The following TLE1 variants were observed in gnomAD, a reference collection of about 807,000 sequenced individuals.
The protein encoded by TLE1 is TLE family member 1, transcriptional corepressor.
A neutral mutation model predicts 89.8 loss-of-function variants in TLE1; 21 were observed. That is an observed-to-expected ratio of 0.23 (90% confidence interval 0.17 to 0.34). The LOEUF (loss-of-function observed/expected upper bound fraction) is 0.34, where lower values mean the gene tolerates loss of function less well. Among genes scored for constraint, TLE1 ranks in the 10% least tolerant of loss-of-function variants. TLE1 has a pLI of 1.00. For missense variants in TLE1, 795 were observed against 1,031.2 expected (o/e 0.77, Z 3.14); for synonymous variants, 447 against 407.6 (o/e 1.10, Z -1.16).
intron 10 of TLE1, 95 bp downstream of exon 10, chr9:81,616,551 C>CCGAGGGGCTCTACTTCCTTCATT: frequency 1.5e-6 from 2 of 1,366,270 alleles, no homozygotes; most frequent in Non-Finnish European, 2.1e-6. Context: ...GGTCCCCCCA[C>CCGAGGGGCTCTACTTCCTTCATT]CGAGGGGCTC....
At chr9:81,677,564 CA>C (rs60091510) in intron 4 of TLE1, among the ~76,000 whole-genome samples, 1,459 of 85,572 alleles carry the variant, frequency 0.017, 25 homozygotes, top group African/African-American at 0.067. Flanking sequence ...GACTCCATCT[CA>C]AAAAAAAAAA....
intron 14 of TLE1, among the ~76,000 whole-genome samples, chr9:81,594,562 G>C (rs991765809): frequency 4.0e-5 from 6 of 151,832 alleles, no homozygotes; most frequent in Non-Finnish European, 7.4e-5. Flanking sequence ...AAAAAATTAT[G>C]CACATTCTAC....
chr9:81,584,092 GGT>G lies in TLE1; in HGVS notation c.*104_*105del. The G allele has an allele frequency of 1.0e-6, 1 of 973,484 alleles. No individual in the cohort carries two copies. Among genetic ancestry groups the G allele is most frequent in the Non-Finnish European group, 1.6e-6 (1 of 633,666 alleles). 60.3% of individuals were successfully genotyped at this position (973,484 alleles called of 1,614,324 possible). A position where few individuals can be genotyped will look rare whatever the true frequency, so the allele number is the denominator to read the frequency against. ...AGTTTTCTGTCAAGGTTTGGAAACAGGTGTTTGTAATTTTTTTTCTCTTTTAA... is the reference window on the plus strand; with the variant it reads ...AGTTTTCTGTCAAGGTTTGGAAACAGGTTTGTAATTTTTTTTCTCTTTTAA... On this transcript the variant is annotated 3_prime_UTR_variant, in exon 20 of 20. Transcript: ENST00000376499.
intron 4 of TLE1, among the ~76,000 whole-genome samples, chr9:81,666,250 A>C (rs1158538875): frequency 2.0e-5 from 3 of 152,112 alleles, no homozygotes; most frequent in African/African-American, 4.8e-5. Context: ...AGAGTGAATC[A>C]CAGATCATCA....
rs754269453 is a variant in TLE1, at chr9:81,688,277, C to T, written c.-37G>A. On this transcript the variant is annotated 5_prime_UTR_variant, in exon 1 of 20. Coordinates refer to ENST00000376499, the MANE Select transcript of TLE1 (RefSeq NM_005077.5). The stretch of plus-strand genomic sequence containing the variant: ...CGGCCGGGGCTCTGTTCCCCGGCAA[C>T]TCAATTCTCCGGTCAATTTCCAACT... 9 of 1,541,032 alleles carry T rather than the reference C, an allele frequency of 5.8e-6. No homozygotes were observed. In the African/African-American group the frequency reaches 1.0e-4, roughly 17 times the overall value.
rs199536347 is a variant in TLE1, at chr9:81,591,015, G to A, written c.1619C>T (p.Pro540Leu). 2 of 1,614,190 alleles carry A rather than the reference G, an allele frequency of 1.2e-6. No homozygotes were observed. The highest frequency in any genetic ancestry group is 2.7e-5 in the African/African-American group (2 of 75,038). ...DNYIRSCKLL[P>L]DGCTLIVGGE... ...TCCCACTATGAGAGTGCAGCCATCG[G>A]GTAGCAATTTACAGGAACGGATATA... The change falls in exon 16 of 20, where the codon CCC (proline) becomes CTC (leucine). Residue 540 changes from proline (P) to leucine (L), a missense_variant. By Grantham distance (98) the Pro-to-Leu change is moderately conservative. Around this residue, in one of 4 missense-constraint regions of TLE1, gnomAD observed 214 missense variants for 354.9 expected, o/e 0.60. Transcript: ENST00000376499.
At chr9:81,632,097 A>T (rs1405189452) in intron 8 of TLE1, among the ~76,000 whole-genome samples, 1 of 150,560 alleles carries the variant, frequency 6.6e-6, no homozygotes, top group African/African-American at 2.4e-5. Context: ...TCTCAAAAAA[A>T]AAAAGACTAT....
intron 8 of TLE1, among the ~76,000 whole-genome samples, chr9:81,626,349 C>T (rs145936635): frequency 6.0e-5 from 9 of 150,134 alleles, no homozygotes; most frequent in African/African-American, 2.2e-4. Flanking sequence ...AACGACGCAC[C>T]CCATCACATC....
Position 81,620,570 on chromosome 9 carries a change from A to C in TLE1, c.595-13T>G. On this transcript the variant is annotated splice_polypyrimidine_tract_variant and intron_variant, in intron 8 of 19. Transcript: ENST00000376499. ...GGAGGGAATTACTCTGCAAGACAAAAAAATTAATCAAAGATTTCTTCCCAA... is the reference window on the plus strand; with the variant it reads ...GGAGGGAATTACTCTGCAAGACAAACAAATTAATCAAAGATTTCTTCCCAA... 1 of 1,599,808 alleles carries C rather than the reference A, an allele frequency of 6.3e-7. No individual in the cohort carries two copies.
chr9:81,633,710 T>C (rs1008875131), intron 7 of TLE1: 3 of 481,078 alleles, frequency 6.2e-6, no homozygotes, highest in African/African-American at 5.8e-5. Flanking sequence ...CAGATGCAAT[T>C]ATCAAACCTT....
In TLE1 at chr9:81,644,391, G is replaced by C. The variant is rs565603363; in HGVS notation, c.372+7823C>G. Among the ~76,000 whole-genome samples, 5 of 152,204 alleles carry C rather than the reference G, an allele frequency of 3.3e-5. No individual in the cohort carries two copies. In the South Asian group the frequency reaches 1.0e-3, roughly 32 times the overall value. On this transcript the variant is annotated intron_variant, in intron 6 of 19. Coordinates refer to ENST00000376499, the MANE Select transcript of TLE1 (RefSeq NM_005077.5). ...ATGAAATGTTAATTGTCAATAAAAA[G>C]GACTAAAATACTGGTGATACGACAA...
At chr9:81,652,805 T>TTTTA (rs1393833510) in intron 5 of TLE1, among the ~76,000 whole-genome samples, 2 of 152,170 alleles carry the variant, frequency 1.3e-5, no homozygotes, top group African/African-American at 4.8e-5. Context: ...AAAATACCCA[T>TTTTA]TTTAATACCT....
At chr9:81,598,276 C>T (rs189284967) in intron 14 of TLE1, among the ~76,000 whole-genome samples, 126 of 152,290 alleles carry the variant, frequency 8.3e-4, no homozygotes, top group Non-Finnish European at 1.4e-3. Flanking sequence ...TAAAATATCA[C>T]ATGCTGTCAC....
intron 8 of TLE1, among the ~76,000 whole-genome samples, chr9:81,623,565 G>A (rs1825543902): frequency 6.8e-6 from 1 of 147,854 alleles, no homozygotes; most frequent in South Asian, 2.2e-4. Flanking sequence ...GATCGCCTGT[G>A]AAAAGGAGTT....
chr9:81,605,992 T>A (rs916095930), intron 14 of TLE1, among the ~76,000 whole-genome samples: 1 of 152,182 alleles, frequency 6.6e-6, no homozygotes, highest in African/African-American at 2.4e-5. Context: ...AAAGAAGACA[T>A]TTATGCAGCC....
chr9:81,647,467 G>T (rs1437199013), intron 6 of TLE1, among the ~76,000 whole-genome samples: 1 of 152,140 alleles, frequency 6.6e-6, no homozygotes, highest in Non-Finnish European at 1.5e-5. Context: ...CAACTTAATG[G>T]CAGGAGCAAA....
rs557189481 is a variant in TLE1, at chr9:81,590,082, A to T, written c.1829+723T>A. Among the ~76,000 whole-genome samples, 103 of 152,348 alleles carry T rather than the reference A, an allele frequency of 6.8e-4. 3 individuals carry two copies. In the South Asian group the frequency reaches 0.02, roughly 30 times the overall value. On this transcript the variant is annotated intron_variant, in intron 16 of 19. Coordinates refer to ENST00000376499, the MANE Select transcript of TLE1 (RefSeq NM_005077.5). Reference sequence around the variant, plus strand: ...CAGGGACGGCTTCCCAGCAAAGATGAAACAAGAGTAAAACATGTACTCATT... The same window carrying T: ...CAGGGACGGCTTCCCAGCAAAGATGTAACAAGAGTAAAACATGTACTCATT...
chr9:81,586,892 A>T (rs2131746571), intron 17 of TLE1, among the ~76,000 whole-genome samples: 1 of 152,358 alleles, frequency 6.6e-6, no homozygotes, highest in Middle Eastern at 3.4e-3. Context: ...TATGAAATTT[A>T]GAAGTATATA....
intron 4 of TLE1, among the ~76,000 whole-genome samples, chr9:81,663,622 CTT>C (rs35562910): frequency 7.8e-4 from 105 of 134,632 alleles, no homozygotes; most frequent in African/African-American, 2.2e-3. Flanking sequence ...ACAGAATAGA[CTT>C]TTTTTTTTTT....
Sources: gnomAD v4.1 joint callset for allele counts (sites outside exome capture counted in the v4.1 genomes callset) on GRCh38, gnomAD v4.1.1 for gene constraint, gnomAD v4.1.1 regional missense constraint, MANE v1.5 for transcripts, NCBI Gene and HGNC (gene_info 2026-07-23, HGNC 2026-07-21) for gene names.